BTBD9: variants seen among roughly 807,000 people sequenced by gnomAD.
The protein encoded by BTBD9 is BTB/POZ domain-containing protein 9.
Under a neutral mutation model 64.3 loss-of-function variants are expected in BTBD9, and 49 were observed. The observed-to-expected ratio is 0.76, with a 90% CI of 0.61 to 0.97. The LOEUF (loss-of-function observed/expected upper bound fraction) is 0.97. Ranked by LOEUF, BTBD9 falls within the 50% of genes least tolerant of loss-of-function variation. The pLI is 0.00. For synonymous variants in BTBD9, 260 were observed against 274.7 expected (o/e 0.95, Z 0.53); for missense variants, 598 against 762.1 (o/e 0.78, Z 2.53).
In BTBD9 at chr6:38,174,866, C is replaced by G; in HGVS notation, c.*119G>C. On this transcript the variant is annotated 3_prime_UTR_variant, in exon 11 of 11. Transcript: ENST00000481247. ...TCGGTGTCTGCTTTTGCAGCTAGGT[C>G]GGCTCCTCCCTGGAAAGGGGCAGAG... 7.6e-6 allele frequency: 9 copies of G among 1,188,470 alleles called. No individual in the cohort carries two copies. In the South Asian group the frequency reaches 1.3e-4, roughly 17 times the overall value. 73.6% of individuals were successfully genotyped at this position (1,188,470 alleles called of 1,614,324 possible).
At chr6:38,274,623 A>G (rs547960201) in intron 8 of BTBD9, among the ~76,000 whole-genome samples, 3 of 152,336 alleles carry the variant, frequency 2.0e-5, no homozygotes, top group African/African-American at 7.2e-5. Context: ...CCTTTTCTGC[A>G]TCTATTGAGA....
chr6:38,429,500 T>TA (rs1768345090), intron 6 of BTBD9, among the ~76,000 whole-genome samples: 1 of 151,580 alleles, frequency 6.6e-6, no homozygotes, highest in Admixed American at 6.6e-5. Context: ...AATATAATTT[T>TA]ACCACCCTAT....
intron 10 of BTBD9, among the ~76,000 whole-genome samples, chr6:38,176,409 C>T (rs1761249807): frequency 6.6e-6 from 1 of 152,194 alleles, no homozygotes; most frequent in African/African-American, 2.4e-5. Flanking sequence ...ACCGTGTCTT[C>T]CTGGTGTGTC....
chr6:38,594,003 C>G lies in BTBD9; in HGVS notation c.510G>C (p.Gln170His), dbSNP rs1776928070. 1.2e-6 allele frequency: 2 copies of G among 1,613,874 alleles called. No homozygotes were observed. Among genetic ancestry groups the G allele is most frequent in the Non-Finnish European group, 1.7e-6 (2 of 1,179,966 alleles). Residue 170 changes from glutamine (Q) to histidine (H), a missense_variant, in exon 3 of 11, where the codon CAG becomes CAC. Gln to His is a conservative substitution (Grantham distance 24). Coordinates refer to ENST00000481247, the MANE Select transcript of BTBD9 (RefSeq NM_001099272.2). ...MCCMFMDRNAQEVLSSEGFLS... is the reference protein window; with the variant it reads ...MCCMFMDRNAHEVLSSEGFLS... ...GGAAACCTTCACTTGAGAGGACTTCCTGAGCATTCCTATCCATAAACATGC... is the reference window on the plus strand; with the variant it reads ...GGAAACCTTCACTTGAGAGGACTTCGTGAGCATTCCTATCCATAAACATGC...
chr6:38,286,147 T>G (rs1165025710), intron 8 of BTBD9, among the ~76,000 whole-genome samples: 2 of 152,170 alleles, frequency 1.3e-5, no homozygotes, highest in African/African-American at 2.4e-5. Context: ...GGCTTCTCTA[T>G]CTGTGATTTG....
chr6:38,581,508 T>G (rs960774885), intron 4 of BTBD9, among the ~76,000 whole-genome samples: 1 of 152,180 alleles, frequency 6.6e-6, no homozygotes, highest in Non-Finnish European at 1.5e-5. Context: ...CTCACCAACA[T>G]TAGATTTATT....
chr6:38,403,775 C>T (rs749370243), intron 6 of BTBD9, among the ~76,000 whole-genome samples: 3 of 152,128 alleles, frequency 2.0e-5, no homozygotes, highest in Non-Finnish European at 2.9e-5. Flanking sequence ...AGAACATGTA[C>T]ATAAATGTGT....
At chr6:38,391,965 A>G (rs1766438145) in intron 6 of BTBD9, among the ~76,000 whole-genome samples, 1 of 152,210 alleles carries the variant, frequency 6.6e-6, no homozygotes, top group Admixed American at 6.5e-5. Flanking sequence ...TGGATACCCC[A>G]GGCAGTCTAT....
intron 7 of BTBD9, among the ~76,000 whole-genome samples, chr6:38,302,400 T>G (rs1291290158): frequency 6.6e-6 from 1 of 150,970 alleles, no homozygotes; most frequent in Non-Finnish European, 1.5e-5. Context: ...CTTATTTCAT[T>G]TAATTATCTC....
At chr6:38,593,380 A>G (rs1232649857) in intron 3 of BTBD9, among the ~76,000 whole-genome samples, 1 of 152,198 alleles carries the variant, frequency 6.6e-6, no homozygotes, top group East Asian at 1.9e-4. Flanking sequence ...TCAAATCAAG[A>G]TATGTAGCTT....
At chr6:38,476,821 GCAAA>G (rs775333198) in intron 6 of BTBD9, among the ~76,000 whole-genome samples, 2 of 152,234 alleles carry the variant, frequency 1.3e-5, no homozygotes, top group Non-Finnish European at 2.9e-5. Flanking sequence ...TGGGAAAAGA[GCAAA>G]CAGTTTTTCT....
At chr6:38,630,142 T>C (rs1231531634) in intron 1 of BTBD9, among the ~76,000 whole-genome samples, 1 of 147,644 alleles carries the variant, frequency 6.8e-6, no homozygotes, top group African/African-American at 2.5e-5. Context: ...AGACAGAGGT[T>C]GCAGTGAGCC....
intron 6 of BTBD9, among the ~76,000 whole-genome samples, chr6:38,530,156 A>T (rs1401182954): frequency 6.6e-6 from 1 of 152,142 alleles, no homozygotes; most frequent in East Asian, 1.9e-4. Context: ...TGGGCTTACT[A>T]GGGTCAGGAA....
chr6:38,325,598 T>C (rs1295254218), intron 7 of BTBD9, among the ~76,000 whole-genome samples: 1 of 152,108 alleles, frequency 6.6e-6, no homozygotes, highest in African/African-American at 2.4e-5. Flanking sequence ...GGCAGGAGAA[T>C]GGCATGAACC....
At chr6:38,533,443 A>G (rs1169640839) in intron 6 of BTBD9, among the ~76,000 whole-genome samples, 3 of 152,170 alleles carry the variant, frequency 2.0e-5, no homozygotes, top group Non-Finnish European at 4.4e-5. Flanking sequence ...GAGAGACTCT[A>G]TTAGAATCAC....
chr6:38,327,875 C>T (rs567905324), intron 7 of BTBD9, among the ~76,000 whole-genome samples: 1 of 152,202 alleles, frequency 6.6e-6, no homozygotes, highest in African/African-American at 2.4e-5. Flanking sequence ...TCAGGTGTAT[C>T]GCCACATTTC....
chr6:38,282,067 A>G (rs931063890), intron 8 of BTBD9, among the ~76,000 whole-genome samples: 2 of 152,234 alleles, frequency 1.3e-5, no homozygotes, highest in Admixed American at 6.5e-5. Context: ...TAGAAAGATA[A>G]TAAGTCTTAA....
At chr6:38,525,292 C>G (rs896519867) in intron 6 of BTBD9, among the ~76,000 whole-genome samples, 2 of 152,180 alleles carry the variant, frequency 1.3e-5, no homozygotes, top group Non-Finnish European at 2.9e-5. Context: ...AAAGAAGGTG[C>G]CTGCTTCCCC....
intron 6 of BTBD9, among the ~76,000 whole-genome samples, chr6:38,380,335 G>A (rs1014114207): frequency 2.0e-5 from 3 of 152,164 alleles, no homozygotes; most frequent in Non-Finnish European, 4.4e-5. Flanking sequence ...ATCCCAGAAG[G>A]AAAATCTGAG....
Sources: gnomAD v4.1 joint callset for allele counts (sites outside exome capture counted in the v4.1 genomes callset) on GRCh38, gnomAD v4.1.1 for gene constraint, MANE v1.5 for transcripts, NCBI Gene and HGNC (gene_info 2026-07-23, HGNC 2026-07-21) for gene names.